The following GFRA1 variants were observed in gnomAD, a reference collection of about 807,000 sequenced individuals.
The protein encoded by GFRA1 is GDNF family receptor alpha-1.
In GFRA1, 16 loss-of-function variants were observed where a neutral mutation model predicts 51.6. That is an observed-to-expected ratio of 0.31 (90% CI 0.21 to 0.47). The LOEUF (loss-of-function observed/expected upper bound fraction) is 0.47, where lower values mean the gene tolerates loss of function less well. Ranked by LOEUF, GFRA1 falls within the 20% of genes least tolerant of loss-of-function variation. The pLI is 1.00. For synonymous variants in GFRA1, 270 were observed against 241.3 expected, an observed-to-expected ratio of 1.12 and a Z score of -1.10; for missense variants, 530 against 594.3, an observed-to-expected ratio of 0.89 and a Z score of 1.13.
At chr10:116,182,127 G>A (rs1030579053) in intron 5 of GFRA1, among the ~76,000 whole-genome samples, 3 of 151,086 alleles carry the variant, frequency 2.0e-5, no homozygotes, top group Non-Finnish European at 2.9e-5. Context: ...CAGAGATGGG[G>A]AGGGCAAAGG....
intron 5 of GFRA1, among the ~76,000 whole-genome samples, chr10:116,203,253 T>G (rs1964479467): frequency 6.6e-6 from 1 of 152,218 alleles, no homozygotes; most frequent in Non-Finnish European, 1.5e-5. Flanking sequence ...AAAATTTGTA[T>G]GAATCAACTA....
At chr10:116,083,076 A>G (rs1955924670) in intron 9 of GFRA1, among the ~76,000 whole-genome samples, 2 of 152,350 alleles carry the variant, frequency 1.3e-5, no homozygotes, top group South Asian at 4.1e-4. Context: ...ACCAAGCAAT[A>G]GTCATGGAGC....
rs775087416 is a variant in GFRA1, at chr10:116,125,409, C to T, written c.582G>A (p.Lys194=). The change falls in exon 6 of 11, where the codon AAG becomes AAA. Residue 194 remains lysine (K), a synonymous_variant. Transcript: ENST00000355422. The stretch of plus-strand genomic sequence containing the variant: ...CCTTGTCAAAGAACTGCCGGAGGGC[C>T]TTGTGGCACTTGCGGCGGTTGCAGA... ...NDVCNRRKCH[K]ALRQFFDKVP... The T allele has an allele frequency of 5.0e-6, 8 of 1,614,126 alleles. No homozygotes were observed. The South Asian group carries it at 7.7e-5, about 16-fold the overall frequency.
intron 3 of GFRA1, 108 bp downstream of exon 3, chr10:116,270,714 G>A: frequency 1.1e-6 from 1 of 901,698 alleles, no homozygotes; most frequent in Admixed American, 1.9e-5. Context: ...TCCTCACTCT[G>A]CAGCTGGGGA....
chr10:116,068,145 T>TTCTCTCCCGTTAAACATCTTCCCAGCC (rs1955200681), intron 9 of GFRA1, among the ~76,000 whole-genome samples: 1 of 152,152 alleles, frequency 6.6e-6, no homozygotes, highest in Non-Finnish European at 1.5e-5. Flanking sequence ...AGAAAATGCC[T>TTCTCTCCCGTTAAACATCTTCCCAGCC]TCTCTCCCGT....
chr10:116,191,553 G>A lies in GFRA1; in HGVS notation c.433+20078C>T, dbSNP rs558564892. On this transcript the variant is annotated intron_variant, in intron 5 of 10. Transcript: ENST00000355422. ...CTACCTTTTCTGTCTATAAGAAAGG[G>A]CAACTTACAAATTGCCAGGGGAAAA... is the stretch of plus-strand genomic sequence containing the variant. 5.9e-5 allele frequency among the ~76,000 whole-genome samples: 9 copies of A among 152,210 alleles called. 1 individual carries two copies. In the South Asian group the frequency reaches 1.5e-3, roughly 25 times the overall value.
intron 5 of GFRA1, 79 bp downstream of exon 5, chr10:116,211,552 A>G (rs1394091956): frequency 9.4e-6 from 12 of 1,280,172 alleles, no homozygotes; most frequent in Non-Finnish European, 1.2e-5. Context: ...AAACCCCATA[A>G]CCCTCTGTAC....
intron 5 of GFRA1, among the ~76,000 whole-genome samples, chr10:116,183,106 C>A (rs915046181): frequency 6.6e-6 from 1 of 152,234 alleles, no homozygotes; most frequent in Non-Finnish European, 1.5e-5. Flanking sequence ...AACATGCATT[C>A]TTTTCCTCAG....
At chr10:116,156,277 A>G (rs764694821) in intron 5 of GFRA1, among the ~76,000 whole-genome samples, 1 of 152,246 alleles carries the variant, frequency 6.6e-6, no homozygotes, top group Non-Finnish European at 1.5e-5. Context: ...TCATTTCAAA[A>G]GGAGGAAATG....
chr10:116,241,994 T>C (rs1967420907), intron 4 of GFRA1, among the ~76,000 whole-genome samples: 3 of 152,208 alleles, frequency 2.0e-5, no homozygotes, highest in Admixed American at 1.3e-4. Context: ...ATAAAACAGC[T>C]GTGTTTACAC....
At chr10:116,211,761 C>G in intron 4 of GFRA1, 116 bp from the exon 5 acceptor site, 1 of 809,100 alleles carries the variant, frequency 1.2e-6, no homozygotes, top group Non-Finnish European at 2.0e-6. Context: ...CTTTGCTAAG[C>G]ACTCTATGCA....
chr10:116,165,531 C>T (rs1960287117), intron 5 of GFRA1, among the ~76,000 whole-genome samples: 1 of 152,188 alleles, frequency 6.6e-6, no homozygotes, highest in South Asian at 2.1e-4. Context: ...AATCAGGAAT[C>T]AACCTGGTGA....
intron 5 of GFRA1, among the ~76,000 whole-genome samples, chr10:116,131,791 G>A (rs556389961): frequency 3.2e-4 from 49 of 152,054 alleles, no homozygotes; most frequent in African/African-American, 1.1e-3. Context: ...ATAACTTTCT[G>A]GGGGTGATGG....
chr10:116,260,065 G>C (rs1364104620), intron 4 of GFRA1, among the ~76,000 whole-genome samples: 3 of 152,204 alleles, frequency 2.0e-5, no homozygotes, highest in Admixed American at 2.0e-4. Flanking sequence ...GATAGGCAGA[G>C]TTCCAAAGGG....
chr10:116,107,429 C>T (rs1333519051), intron 6 of GFRA1, among the ~76,000 whole-genome samples: 4 of 152,188 alleles, frequency 2.6e-5, no homozygotes, highest in African/African-American at 7.2e-5. Flanking sequence ...AATTGATCCC[C>T]TTTTTTAAGG....
At chr10:116,145,507 C>T (rs1589822988) in intron 5 of GFRA1, among the ~76,000 whole-genome samples, 2 of 152,136 alleles carry the variant, frequency 1.3e-5, no homozygotes, top group Admixed American at 6.6e-5. Context: ...CGAATCATTA[C>T]ACTATTTTCA....
At chr10:116,094,453 A>G (rs903354774) in intron 7 of GFRA1, among the ~76,000 whole-genome samples, 3 of 152,124 alleles carry the variant, frequency 2.0e-5, no homozygotes, top group South Asian at 2.1e-4. Flanking sequence ...TGGACTCTCA[A>G]TGGTGCTCAA....
At chr10:116,212,405 A>G in intron 4 of GFRA1, among the ~76,000 whole-genome samples, 1 of 152,046 alleles carries the variant, frequency 6.6e-6, no homozygotes, top group South Asian at 2.1e-4. Flanking sequence ...CTGTAATCCC[A>G]TCTACTCGGG....
intron 6 of GFRA1, among the ~76,000 whole-genome samples, chr10:116,105,979 G>A (rs1437036067): frequency 1.3e-5 from 2 of 152,196 alleles, no homozygotes; most frequent in Admixed American, 1.3e-4. Flanking sequence ...GAGTATCCCG[G>A]ATTTTCCCGG....
Sources: allele counts gnomAD v4.1 joint callset (sites outside exome capture counted in the v4.1 genomes callset), GRCh38; gene constraint gnomAD v4.1.1; transcripts MANE v1.5; gene names NCBI Gene and HGNC (gene_info 2026-07-23, HGNC 2026-07-21).